The following SEC11A variants were observed in gnomAD, a reference collection of about 807,000 sequenced individuals.
The protein encoded by SEC11A is signal peptidase complex catalytic subunit SEC11A.
Under a neutral mutation model 25.6 loss-of-function variants are expected in SEC11A, and 14 were observed. The ratio of observed to expected loss-of-function variants is 0.55; its 90% confidence interval spans 0.36 to 0.85. The LOEUF is 0.85. Among genes scored for constraint, SEC11A ranks in the 40% least tolerant of loss-of-function variants. SEC11A has a pLI of 0.01. For missense variants in SEC11A, 153 were observed against 222.9 expected (o/e 0.69, Z 2.00); for synonymous variants, 83 against 76.4 (o/e 1.09, Z -0.45).
At chr15:84,679,636 T>C (rs867531064) in intron 4 of SEC11A, among the ~76,000 whole-genome samples, 28 of 152,226 alleles carry the variant, frequency 1.8e-4, no homozygotes, top group African/African-American at 6.8e-4. Flanking sequence ...TTAGCAACTA[T>C]CCATTTCAGA....
intron 1 of SEC11A, among the ~76,000 whole-genome samples, chr15:84,706,511 T>C (rs931095934): frequency 7.9e-5 from 12 of 152,188 alleles, no homozygotes; most frequent in African/African-American, 2.9e-4. Flanking sequence ...GGACTTCTTA[T>C]GACAACCCTT....
At chr15:84,682,898 T>C (rs377238848) in intron 3 of SEC11A, among the ~76,000 whole-genome samples, 6 of 152,296 alleles carry the variant, frequency 3.9e-5, no homozygotes, top group African/African-American at 1.4e-4. Flanking sequence ...TGCATTTGGA[T>C]TGACCACTGT....
At chr15:84,704,740 T>C (rs1472609914) in intron 1 of SEC11A, among the ~76,000 whole-genome samples, 1 of 152,142 alleles carries the variant, frequency 6.6e-6, no homozygotes, top group African/African-American at 2.4e-5. Flanking sequence ...GTCAGTACTC[T>C]GGCAAATGGT....
At chr15:84,711,478 G>A (rs1388772790) in intron 1 of SEC11A, among the ~76,000 whole-genome samples, 4 of 151,756 alleles carry the variant, frequency 2.6e-5, no homozygotes, top group Non-Finnish European at 5.9e-5. Context: ...CAGCAATTCT[G>A]CAAGCTGGTT....
chr15:84,708,174 TCAGCC>T (rs1182200419), intron 1 of SEC11A, among the ~76,000 whole-genome samples: 1 of 128,096 alleles, frequency 7.8e-6, no homozygotes, highest in African/African-American at 3.0e-5. Context: ...CCACTGCACT[TCAGCC>T]TGGGTGACAG....
intron 1 of SEC11A, among the ~76,000 whole-genome samples, chr15:84,710,027 C>T (rs8033459): frequency 0.56 from 84,911 of 152,128 alleles, 25,146 homozygotes; most frequent in East Asian, 0.81. Context: ...AGCCACTGCA[C>T]CCAGCTATAT....
chr15:84,679,199 A>G, intron 4 of SEC11A: 1 of 956,596 alleles, frequency 1.0e-6, no homozygotes, highest in Non-Finnish European at 1.4e-6. Flanking sequence ...CAAAGACTCA[A>G]AGAGATTGGA....
rs1376015719 is a variant in SEC11A at position 84,708,493 on chromosome 15, ATATC to A, written c.51+7528_51+7531del. ...CTTCACATTTATTCCTATTAGGTCT[ATATC>A]TAAGAAAAATTTCCTAGGTTTCTGT... On this transcript the variant is annotated intron_variant, in intron 1 of 5. Transcript: ENST00000268220. Among the ~76,000 whole-genome samples the A allele has an allele frequency of 5.9e-5, 9 of 152,114 alleles. No individual in the cohort carries two copies. The East Asian group carries it at 1.7e-3, about 29-fold the overall frequency.
At chr15:84,699,924 G>A (rs765766090) in intron 1 of SEC11A, among the ~76,000 whole-genome samples, 23 of 152,064 alleles carry the variant, frequency 1.5e-4, no homozygotes, top group Admixed American at 4.6e-4. Context: ...CTCTTATGGC[G>A]TAAGAATAGT....
At chr15:84,710,373 C>G (rs1052027395) in intron 1 of SEC11A, among the ~76,000 whole-genome samples, 1 of 152,112 alleles carries the variant, frequency 6.6e-6, no homozygotes, top group Non-Finnish European at 1.5e-5. Flanking sequence ...GTGGCTCACA[C>G]CTGTAATCCC....
chr15:84,676,550 G>A (rs1217090561), intron 4 of SEC11A, among the ~76,000 whole-genome samples: 1 of 150,654 alleles, frequency 6.6e-6, no homozygotes, highest in African/African-American at 2.4e-5. Context: ...GAGGCGGGCA[G>A]ATCACCTGAT....
chr15:84,677,729 G>A (rs747847090), intron 4 of SEC11A, among the ~76,000 whole-genome samples: 14 of 151,990 alleles, frequency 9.2e-5, no homozygotes, highest in East Asian at 7.7e-4. Flanking sequence ...CGCCTCAGCC[G>A]CCCAAAGTGC....
At chr15:84,691,962 C>T (rs563836533) in intron 1 of SEC11A, 3 of 182,164 alleles carry the variant, frequency 1.6e-5, no homozygotes, top group South Asian at 1.5e-4. Context: ...ATCACTCATG[C>T]TACTTACCAG....
At chr15:84,704,724 C>T (rs1316127924) in intron 1 of SEC11A, among the ~76,000 whole-genome samples, 2 of 152,164 alleles carry the variant, frequency 1.3e-5, no homozygotes, top group East Asian at 1.9e-4. Flanking sequence ...TATAAACCAG[C>T]TCCAGGTCAG....
chr15:84,697,337 C>A (rs1213553916), intron 1 of SEC11A, among the ~76,000 whole-genome samples: 1 of 152,256 alleles, frequency 6.6e-6, no homozygotes, highest in Non-Finnish European at 1.5e-5. Flanking sequence ...AGGTCACTAT[C>A]CCAGCCATAA....
intron 1 of SEC11A, among the ~76,000 whole-genome samples, chr15:84,698,067 G>C (rs945915498): frequency 1.3e-5 from 2 of 151,744 alleles, no homozygotes; most frequent in Non-Finnish European, 2.9e-5. Flanking sequence ...ACTAGAATAA[G>C]CCACAAGACA....
intron 1 of SEC11A, among the ~76,000 whole-genome samples, chr15:84,700,562 C>T (rs1439780156): frequency 2.2e-4 from 25 of 112,480 alleles, no homozygotes; most frequent in Non-Finnish European, 2.7e-4. Flanking sequence ...CCACTGCATT[C>T]GAGCCTGGGT....
chr15:84,698,894 C>T (rs753940744), intron 1 of SEC11A, among the ~76,000 whole-genome samples: 10 of 152,154 alleles, frequency 6.6e-5, no homozygotes, highest in South Asian at 2.1e-4. Flanking sequence ...ATACTTCTGG[C>T]CCCAAGCATT....
chr15:84,676,384 T>A (rs2141872224), intron 4 of SEC11A, among the ~76,000 whole-genome samples: 1 of 151,958 alleles, frequency 6.6e-6, no homozygotes, highest in Non-Finnish European at 1.5e-5. Context: ...GAGAATTGTT[T>A]GAACCTGGGA....
Sources: allele counts gnomAD v4.1 joint callset (sites outside exome capture counted in the v4.1 genomes callset), GRCh38; gene constraint gnomAD v4.1.1; transcripts MANE v1.5; gene names NCBI Gene and HGNC (gene_info 2026-07-23, HGNC 2026-07-21).